UNKL: variants seen among roughly 807,000 people sequenced by gnomAD.
UNKL encodes the protein unk like zinc finger, also known as putative E3 ubiquitin-protein ligase UNKL.
A neutral mutation model predicts 78.0 loss-of-function variants in UNKL; 60 were observed. The ratio of observed to expected loss-of-function variants is 0.77; its 90% confidence interval spans 0.63 to 0.95. The LOEUF is 0.95. UNKL is among the 40% of genes least tolerant of loss of function. The pLI is 0.00. For missense variants in UNKL, 1,159 were observed against 1,045.7 expected, an observed-to-expected ratio of 1.11 and a Z score of -1.49; for synonymous variants, 608 against 474.8, an observed-to-expected ratio of 1.28 and a Z score of -3.65.
intron 10 of UNKL, among the ~76,000 whole-genome samples, chr16:1,374,516 G>A (rs1161378028): frequency 1.3e-5 from 2 of 152,184 alleles, no homozygotes; most frequent in Admixed American, 6.5e-5. Flanking sequence ...CCCGACCGTG[G>A]GGGTCGGCGC....
chr16:1,381,120 A>G (rs2036590070), intron 10 of UNKL, among the ~76,000 whole-genome samples: 1 of 152,210 alleles, frequency 6.6e-6, no homozygotes, highest in African/African-American at 2.4e-5. Flanking sequence ...AAGGTCAGCT[A>G]CGCGGATGCA....
chr16:1,378,563 T>G (rs968918342), intron 10 of UNKL, among the ~76,000 whole-genome samples: 2 of 151,958 alleles, frequency 1.3e-5, no homozygotes, highest in Non-Finnish European at 2.9e-5. Flanking sequence ...AGCTGCAGAG[T>G]GCGCAGCATG....
intron 11 of UNKL, among the ~76,000 whole-genome samples, chr16:1,370,709 G>C (rs935093432): frequency 5.3e-5 from 8 of 152,248 alleles, no homozygotes; most frequent in Admixed American, 3.3e-4. Context: ...CAGGCCCCCT[G>C]AAATGGTTTA....
chr16:1,380,388 CAGTCCCGGGAGCCATGGGCAGGG>C (rs970392443), intron 10 of UNKL, among the ~76,000 whole-genome samples: 4 of 152,196 alleles, frequency 2.6e-5, no homozygotes, highest in African/African-American at 7.2e-5. Context: ...TGGGGCCAGA[CAGTCCCGGGAGCCATGGGCAGGG>C]AGTCCCTGAG....
rs1417039446 is a variant in UNKL at position 1,370,260 on chromosome 16, C to T, written c.1455G>A (p.Pro485=). The change falls in exon 12 of 15, where the codon CCG becomes CCA. Residue 485 remains proline, a synonymous_variant. Transcript: ENST00000389221. ...LHSPSSASTS[P]LGSLSQPLPG... ...GGAGGGGCTGGGACAGCGAACCGAG[C>T]GGCGAGGTGGACGCAGAGGATGGCG... 2.0e-5 allele frequency: 30 copies of T among 1,533,914 alleles called. No homozygotes were observed. Among genetic ancestry groups the T allele is most frequent in the African/African-American group, 8.2e-5 (6 of 73,014 alleles).
chr16:1,367,712 C>A lies in UNKL; in HGVS notation c.1732G>T (p.Asp578Tyr), dbSNP rs1474486414. 6.3e-7 allele frequency: 1 copy of A among 1,581,206 alleles called. No homozygotes were observed. The highest frequency in any genetic ancestry group is 2.3e-5 in the East Asian group (1 of 43,112). ...AELARVRRQL[D>Y]EAKRKIRQWE... ...TGCCGGATCTTCCTCTTGGCCTCGT[C>A]CAGCTGCCGCCTGACCCGGGCCAGC... Residue 578 changes from aspartate to tyrosine, a missense_variant, in exon 13 of 15, where the codon GAC becomes TAC. Transcript: ENST00000389221.
intron 2 of UNKL, among the ~76,000 whole-genome samples, chr16:1,408,012 C>G (rs35826241): frequency 0.92 from 139,781 of 152,058 alleles, 64,356 homozygotes; most frequent in East Asian, 1. Context: ...GGCTGAGGCA[C>G]GAGGATCAGC....
At chr16:1,367,891 C>CTGCTG (rs752594731) in intron 12 of UNKL, 33 bp from the exon 13 acceptor site, 33 of 1,519,850 alleles carry the variant, frequency 2.2e-5, no homozygotes, top group Non-Finnish European at 2.6e-5. Flanking sequence ...CGGCCCAGCC[C>CTGCTG]TGCTGTGCTC....
At chr16:1,413,753 A>G (rs1237335865) in intron 2 of UNKL, 93 bp downstream of exon 2, 81 of 1,360,636 alleles carry the variant, frequency 6.0e-5, no homozygotes, top group Non-Finnish European at 7.9e-5. Context: ...CCAGGTATGG[A>G]CACTAAGGCG....
At chr16:1,398,874 T>A in intron 5 of UNKL, 1 of 1,575,578 alleles carries the variant, frequency 6.3e-7, no homozygotes, top group Non-Finnish European at 8.6e-7. Context: ...GTGTGCACCC[T>A]GGGCAGGGCG....
intron 5 of UNKL, chr16:1,398,679 G>GCGGGCCCCCCCCC: frequency 1.5e-6 from 2 of 1,356,008 alleles, no homozygotes; most frequent in Non-Finnish European, 1.9e-6. Flanking sequence ...TGTGGGGTCT[G>GCGGGCCCCCCCCC]CACCCCCCCA....
intron 2 of UNKL, among the ~76,000 whole-genome samples, chr16:1,407,811 C>A (rs951575874): frequency 6.6e-5 from 10 of 152,114 alleles, no homozygotes; most frequent in Non-Finnish European, 1.2e-4. Context: ...TGCAGGGCCA[C>A]AGTGCAGGAG....
chr16:1,366,018 C>T lies in UNKL; in HGVS notation c.*222G>A, dbSNP rs1335272780. ...CATTTAAGGTTTTTGAGGAAAATAC[C>T]TTGAAACCGTCGGTAGGACTAGATA... On this transcript the variant is annotated 3_prime_UTR_variant, in exon 15 of 15. Coordinates refer to ENST00000389221, the MANE Select transcript of UNKL (RefSeq NM_001372107.1). 1.0e-5 allele frequency: 5 copies of T among 477,998 alleles called. No homozygotes were observed. Among genetic ancestry groups the T allele is most frequent in the East Asian group, 1.0e-4 (3 of 28,798 alleles). 29.6% of individuals were successfully genotyped at this position (477,998 alleles called of 1,614,324 possible). A position where few individuals can be genotyped will look rare whatever the true frequency, so the allele number is the denominator to read the frequency against.
intron 14 of UNKL, among the ~76,000 whole-genome samples, chr16:1,366,639 C>T (rs1567194606): frequency 6.6e-6 from 1 of 152,192 alleles, no homozygotes; most frequent in African/African-American, 2.4e-5. Flanking sequence ...ACCACAGACA[C>T]GGCAGTGGCC....
intron 10 of UNKL, chr16:1,379,828 G>C: frequency 7.0e-6 from 4 of 567,998 alleles, no homozygotes; most frequent in Non-Finnish European, 8.9e-6. Context: ...GCGGCTCCTG[G>C]CTACGAGCTG....
At chr16:1,389,816 T>C (rs1270599374) in intron 9 of UNKL, among the ~76,000 whole-genome samples, 2 of 152,122 alleles carry the variant, frequency 1.3e-5, no homozygotes, top group South Asian at 2.1e-4. Context: ...TGCTTGGGGA[T>C]TGGTTTTGGT....
chr16:1,411,716 T>A (rs1251904212), intron 2 of UNKL, among the ~76,000 whole-genome samples: 4 of 151,992 alleles, frequency 2.6e-5, no homozygotes, highest in Non-Finnish European at 5.9e-5. Context: ...TCCCAGCTAC[T>A]CGGGAGGCTG....
intron 13 of UNKL, 144 bp downstream of exon 13, chr16:1,367,507 TCCCTC>T (rs2035388728): frequency 2.7e-4 from 7 of 26,404 alleles, no homozygotes; most frequent in African/African-American, 2.1e-3. Context: ...CCTCCCTCCC[TCCCTC>T]CCCCTCCCGT....
intron 10 of UNKL, among the ~76,000 whole-genome samples, chr16:1,380,430 G>A (rs1360976949): frequency 2.6e-5 from 4 of 152,300 alleles, no homozygotes; most frequent in Admixed American, 1.3e-4. Flanking sequence ...AGCCTGGGGC[G>A]CAGGAGTGCC....
Sources: allele counts gnomAD v4.1 joint callset (sites outside exome capture counted in the v4.1 genomes callset), GRCh38; gene constraint gnomAD v4.1.1; transcripts MANE v1.5; gene names NCBI Gene and HGNC (gene_info 2026-07-23, HGNC 2026-07-21).